CCDC138: variants seen among roughly 807,000 people sequenced by gnomAD.
The protein encoded by CCDC138 is coiled-coil domain containing 138.
In CCDC138, 66 loss-of-function variants were observed where a neutral mutation model predicts 82.3. The ratio of observed to expected loss-of-function variants is 0.80; its 90% CI spans 0.66 to 0.98. The LOEUF (loss-of-function observed/expected upper bound fraction) is 0.98. Among genes scored for constraint, CCDC138 ranks in the 50% least tolerant of loss-of-function variants. The pLI, the probability that CCDC138 is intolerant of heterozygous loss-of-function variation, is 0.00. For missense variants in CCDC138, 816 were observed against 758.9 expected, an observed-to-expected ratio of 1.08 and a Z score of -0.88; for synonymous variants, 297 against 265.4, an observed-to-expected ratio of 1.12 and a Z score of -1.16.
rs1432696696 is a variant in CCDC138 at position 108,798,589 on chromosome 2, A to G, written c.735+3A>G. On this transcript the variant is annotated splice_donor_region_variant and intron_variant, in intron 6 of 14. Coordinates refer to ENST00000295124, the MANE Select transcript of CCDC138 (RefSeq NM_144978.3). Reference sequence around the variant, plus strand: ...CAAGATTTCAAATTATAAAAGAGGTAACTATATAGCCTTTGATTTTAGAGT... The same window carrying G: ...CAAGATTTCAAATTATAAAAGAGGTGACTATATAGCCTTTGATTTTAGAGT... 2.5e-6 allele frequency: 4 copies of G among 1,594,904 alleles called. No homozygotes were observed. The African/African-American group carries it at 5.4e-5, about 22-fold the overall frequency.
chr2:108,831,755 G>A (rs924597887), intron 10 of CCDC138, among the ~76,000 whole-genome samples: 1 of 106,924 alleles, frequency 9.4e-6, no homozygotes, highest in African/African-American at 4.8e-5. Flanking sequence ...CTGTTGAAAC[G>A]AAGTTTCACT....
At chr2:108,824,803 A>G (rs1574084184) in intron 10 of CCDC138, among the ~76,000 whole-genome samples, 2 of 152,168 alleles carry the variant, frequency 1.3e-5, no homozygotes, top group Non-Finnish European at 2.9e-5. Flanking sequence ...ACACATGAAT[A>G]ATTTACTGCC....
At chr2:108,813,248 CAAAAAAAAA>C (rs371435296) in intron 9 of CCDC138, among the ~76,000 whole-genome samples, 18 of 63,564 alleles carry the variant, frequency 2.8e-4, no homozygotes, top group East Asian at 1.5e-3. Flanking sequence ...GACTCCGTCT[CAAAAAAAAA>C]AAAAAAAAAA....
intron 6 of CCDC138, among the ~76,000 whole-genome samples, chr2:108,799,834 G>A (rs558577080): frequency 5.3e-4 from 81 of 151,876 alleles, no homozygotes; most frequent in Admixed American, 9.2e-4. Context: ...GTGTTCTTCA[G>A]ATAGTTTCTT....
intron 7 of CCDC138, among the ~76,000 whole-genome samples, chr2:108,805,517 A>C (rs1375303678): frequency 6.6e-6 from 1 of 151,826 alleles, no homozygotes. Flanking sequence ...CGAGGTCAGG[A>C]GTTCGAGACC....
chr2:108,852,038 T>C (rs1691601597), intron 12 of CCDC138, among the ~76,000 whole-genome samples: 1 of 152,158 alleles, frequency 6.6e-6, no homozygotes, highest in Non-Finnish European at 1.5e-5. Flanking sequence ...AGCATGTACT[T>C]CCTGAGATAA....
chr2:108,855,796 A>G (rs1025261160), intron 12 of CCDC138, among the ~76,000 whole-genome samples: 12 of 152,334 alleles, frequency 7.9e-5, no homozygotes, highest in Admixed American at 6.5e-4. Context: ...GTAAGCTGAA[A>G]CAGCAAAGAA....
At chr2:108,872,846 A>G (rs887447467) in intron 13 of CCDC138, among the ~76,000 whole-genome samples, 7 of 152,232 alleles carry the variant, frequency 4.6e-5, no homozygotes, top group Non-Finnish European at 7.3e-5. Context: ...TCATGTCCTC[A>G]TAAACAAAAT....
chr2:108,844,069 C>T (rs1690038513), intron 11 of CCDC138, among the ~76,000 whole-genome samples: 1 of 151,432 alleles, frequency 6.6e-6, no homozygotes, highest in South Asian at 2.1e-4. Flanking sequence ...CCTATGTTGC[C>T]CAGGCTGGTC....
intron 1 of CCDC138, chr2:108,882,247 A>G (rs1193320292): frequency 6.6e-6 from 1 of 152,208 alleles, no homozygotes; most frequent in African/African-American, 2.4e-5. Flanking sequence ...AAAAATGCAA[A>G]TTACCAAAAT....
intron 11 of CCDC138, among the ~76,000 whole-genome samples, chr2:108,843,408 G>A (rs113207037): frequency 0.06 from 9,179 of 152,114 alleles, 344 homozygotes; most frequent in Middle Eastern, 0.15. Context: ...TCCACCTGCC[G>A]TGGCCTCCCA....
At chr2:108,820,712 A>AAGAC (rs1553413044) in intron 10 of CCDC138, among the ~76,000 whole-genome samples, 1 of 22,606 alleles carries the variant, frequency 4.4e-5, no homozygotes, top group Admixed American at 4.4e-4. Flanking sequence ...AAAAAAAAAA[A>AAGAC]AAACAAACAA....
intron 10 of CCDC138, among the ~76,000 whole-genome samples, chr2:108,821,704 G>A (rs1036051424): frequency 6.6e-6 from 1 of 151,832 alleles, no homozygotes; most frequent in South Asian, 2.1e-4. Context: ...CAGTACTTTG[G>A]GAGGCTGAGA....
chr2:108,810,552 A>C (rs1406643736), intron 7 of CCDC138, among the ~76,000 whole-genome samples: 3 of 151,804 alleles, frequency 2.0e-5, no homozygotes, highest in Non-Finnish European at 4.4e-5. Context: ...TGTGTTGTTG[A>C]ATTTGGTTTG....
At chr2:108,798,391 C>G (rs763890281) in intron 5 of CCDC138, 37 bp from the exon 6 acceptor site, 4 of 1,582,148 alleles carry the variant, frequency 2.5e-6, no homozygotes, top group Middle Eastern at 1.7e-4. Context: ...GAATTTGTGA[C>G]TTTTCAAGAG....
Position 108,801,026 on chromosome 2 carries a change from A to G in CCDC138, c.735+2440A>G, listed in dbSNP as rs1483776165. The stretch of plus-strand genomic sequence containing the variant: ...CCACATTTTCTTAATCCAGTCTATC[A>G]TTGTTGGACATTTGGGTTGGTTCCA... On this transcript the variant is annotated intron_variant, in intron 6 of 14. Transcript: ENST00000295124. 2.3e-4 allele frequency among the ~76,000 whole-genome samples: 12 copies of G among 52,624 alleles called. 1 individual carries two copies. The highest frequency in any genetic ancestry group is 6.2e-4 in the African/African-American group (11 of 17,760). The allele number at this position is 52,624 out of a possible 152,430, so 34.5% of individuals were successfully genotyped here. A position where few individuals can be genotyped will look rare whatever the true frequency, so the allele number is the denominator to read the frequency against.
At chr2:108,800,779 C>A (rs1170005369) in intron 6 of CCDC138, among the ~76,000 whole-genome samples, 2 of 114,678 alleles carry the variant, frequency 1.7e-5, no homozygotes, top group African/African-American at 6.7e-5. Context: ...CCTCCCCACT[C>A]CCCCCACCCC....
chr2:108,834,542 T>C (rs1226237659), intron 10 of CCDC138, among the ~76,000 whole-genome samples: 1 of 152,212 alleles, frequency 6.6e-6, no homozygotes, highest in African/African-American at 2.4e-5. Context: ...ACACTAAGTA[T>C]TGTCAAATAG....
intron 9 of CCDC138, among the ~76,000 whole-genome samples, chr2:108,813,387 A>G (rs958411780): frequency 5.9e-5 from 9 of 151,970 alleles, no homozygotes; most frequent in Non-Finnish European, 1.3e-4. Flanking sequence ...CACCATAATA[A>G]TTTTTTAATA....
Sources: allele counts gnomAD v4.1 joint callset (sites outside exome capture counted in the v4.1 genomes callset), GRCh38; gene constraint gnomAD v4.1.1; transcripts MANE v1.5; gene names NCBI Gene and HGNC (gene_info 2026-07-23, HGNC 2026-07-21).